Variants in CDK19 observed in about 807,000 individuals in gnomAD.
The protein encoded by CDK19 is cyclin dependent kinase 19, also known as cyclin-dependent kinase 19.
Under a neutral mutation model 68.3 loss-of-function variants are expected in CDK19, and 20 were observed. The observed-to-expected ratio is 0.29, with a 90% CI of 0.21 to 0.43. The LOEUF (loss-of-function observed/expected upper bound fraction) is 0.43. CDK19 is among the 20% of genes least tolerant of loss of function. The probability of loss-of-function intolerance (pLI) is 1.00; values close to 1 mark genes in which losing one functional copy is unlikely to be tolerated. For synonymous variants in CDK19, 221 were observed against 222.8 expected (o/e 0.99, Z 0.07); for missense variants, 339 against 623.5 (o/e 0.54, Z 4.86).
chr6:110,755,719 T>C (rs775858561), intron 1 of CDK19, among the ~76,000 whole-genome samples: 2 of 152,198 alleles, frequency 1.3e-5, no homozygotes, highest in Admixed American at 6.5e-5. Context: ...TAGTTTTGTA[T>C]GGTATGCTGA....
chr6:110,739,364 T>C (rs535271307), intron 2 of CDK19, among the ~76,000 whole-genome samples: 1 of 152,248 alleles, frequency 6.6e-6, no homozygotes, highest in Non-Finnish European at 1.5e-5. Flanking sequence ...AGTGGACCCT[T>C]ACCAGACACT....
At chr6:110,795,115 T>C (rs1251489263) in intron 1 of CDK19, among the ~76,000 whole-genome samples, 1 of 152,040 alleles carries the variant, frequency 6.6e-6, no homozygotes, top group Non-Finnish European at 1.5e-5. Context: ...GGACTACAGG[T>C]GCATGTCACC....
chr6:110,744,441 A>T (rs530237529), intron 2 of CDK19, among the ~76,000 whole-genome samples: 35 of 152,238 alleles, frequency 2.3e-4, no homozygotes, highest in African/African-American at 8.4e-4. Flanking sequence ...AGGCCAAGGC[A>T]GGATTGCTTG....
rs921760195 is a variant in CDK19, at chr6:110,815,441, G to C, written c.-305C>G. ...TTGGAACCTGGTGGGCCGCGCCGTG[G>C]CTTCCTCGAGCTCATTAGCGAACTC... On this transcript the variant is annotated 5_prime_UTR_variant, in exon 1 of 13. Transcript: ENST00000368911. 7.3e-5 allele frequency: 18 copies of C among 247,306 alleles called. No homozygotes were observed. The Admixed American group carries it at 9.8e-4, about 13-fold the overall frequency. The allele number at this position is 247,306 out of a possible 1,614,324, so 15.3% of individuals were successfully genotyped here. A position where few individuals can be genotyped will look rare whatever the true frequency, so the allele number is the denominator to read the frequency against.
At chr6:110,620,464 A>T (rs971263064) in intron 12 of CDK19, among the ~76,000 whole-genome samples, 91 of 152,264 alleles carry the variant, frequency 6.0e-4, no homozygotes, top group African/African-American at 2.1e-3. Flanking sequence ...CTTGAAAAAA[A>T]ATTTTTTTTT....
At chr6:110,732,874 A>C (rs565415625) in intron 2 of CDK19, among the ~76,000 whole-genome samples, 45 of 152,128 alleles carry the variant, frequency 3.0e-4, no homozygotes, top group African/African-American at 1.1e-3. Context: ...TGAGACCAGC[A>C]TGGCCAACAC....
At chr6:110,649,428 G>T (rs1239116595) in intron 4 of CDK19, among the ~76,000 whole-genome samples, 2 of 151,968 alleles carry the variant, frequency 1.3e-5, no homozygotes, top group Admixed American at 6.6e-5. Context: ...AAAAAATATA[G>T]AACATCTTTT....
intron 1 of CDK19, chr6:110,814,505 G>A: frequency 4.6e-6 from 2 of 435,130 alleles, no homozygotes; most frequent in South Asian, 1.7e-5. Context: ...GCGGGTCAGA[G>A]CCGTGGGGCT....
At chr6:110,758,368 A>G (rs1778971781) in intron 1 of CDK19, among the ~76,000 whole-genome samples, 1 of 152,200 alleles carries the variant, frequency 6.6e-6, no homozygotes, top group Non-Finnish European at 1.5e-5. Flanking sequence ...AGTTAATGAC[A>G]TTTGTGAGAG....
rs557944707 is a variant in CDK19 at position 110,716,902 on chromosome 6, G to A, written c.204+29224C>T. Among the ~76,000 whole-genome samples the A allele has an allele frequency of 7.7e-4, 118 of 152,266 alleles. No individual in the cohort carries two copies. The Middle Eastern group carries it at 0.014, about 18-fold the overall frequency. On this transcript the variant is annotated intron_variant, in intron 2 of 12. Coordinates refer to ENST00000368911, the MANE Select transcript of CDK19 (RefSeq NM_015076.5). ...AAATCCCAGCACTTTGGGAGGCCGA[G>A]GTGGACGGATCACGAGGTCAGGAGT...
chr6:110,615,791 T>A (rs1241851430), intron 12 of CDK19, among the ~76,000 whole-genome samples: 1 of 152,182 alleles, frequency 6.6e-6, no homozygotes, highest in Non-Finnish European at 1.5e-5. Flanking sequence ...AGTTAAACAA[T>A]TACCAGTCAT....
chr6:110,752,389 T>A (rs1778530902), intron 1 of CDK19, among the ~76,000 whole-genome samples: 1 of 152,192 alleles, frequency 6.6e-6, no homozygotes, highest in Admixed American at 6.5e-5. Flanking sequence ...CACTTTAATA[T>A]CAAGAATTTT....
At chr6:110,696,782 C>T (rs1008462117) in intron 2 of CDK19, among the ~76,000 whole-genome samples, 1 of 151,778 alleles carries the variant, frequency 6.6e-6, no homozygotes, top group African/African-American at 2.4e-5. Flanking sequence ...AATTGTCAGG[C>T]GCAGTGGCTC....
chr6:110,741,288 T>C (rs901701926), intron 2 of CDK19, among the ~76,000 whole-genome samples: 4 of 150,636 alleles, frequency 2.7e-5, no homozygotes, highest in African/African-American at 9.8e-5. Flanking sequence ...AGACCTCATC[T>C]TTACAAAAAA....
intron 1 of CDK19, among the ~76,000 whole-genome samples, chr6:110,757,838 C>T (rs1388478787): frequency 6.6e-6 from 1 of 152,092 alleles, no homozygotes; most frequent in African/African-American, 2.4e-5. Flanking sequence ...TCTGCTTTTA[C>T]AGAACTTTTC....
chr6:110,777,721 A>T (rs1174327888), intron 1 of CDK19, among the ~76,000 whole-genome samples: 1 of 152,236 alleles, frequency 6.6e-6, no homozygotes, highest in Non-Finnish European at 1.5e-5. Flanking sequence ...TATTCACAGT[A>T]GTCAAAATGT....
intron 4 of CDK19, among the ~76,000 whole-genome samples, chr6:110,651,934 A>G (rs1015212582): frequency 6.6e-6 from 1 of 152,098 alleles, no homozygotes; most frequent in Admixed American, 6.5e-5. Flanking sequence ...AGCAAAGGAG[A>G]ATAAAGGGAG....
intron 2 of CDK19, among the ~76,000 whole-genome samples, chr6:110,675,507 A>T (rs1008735612): frequency 1.3e-5 from 2 of 151,782 alleles, no homozygotes; most frequent in African/African-American, 4.8e-5. Flanking sequence ...CATGCCTGTA[A>T]TCCCAGCTAC....
intron 2 of CDK19, among the ~76,000 whole-genome samples, chr6:110,739,692 G>A (rs1431708616): frequency 2.6e-5 from 4 of 151,332 alleles, no homozygotes; most frequent in Non-Finnish European, 4.4e-5. Flanking sequence ...GTGTAGTGGT[G>A]CAATCGTAAC....
Sources: gnomAD v4.1 joint callset for allele counts (sites outside exome capture counted in the v4.1 genomes callset) on GRCh38, gnomAD v4.1.1 for gene constraint, MANE v1.5 for transcripts, NCBI Gene and HGNC (gene_info 2026-07-23, HGNC 2026-07-21) for gene names.